Variants in SAMMSON observed in about 807,000 individuals in gnomAD.
SAMMSON encodes survival associated mitochondrial melanoma specific oncogenic non-coding RNA, also known as long intergenic non-protein coding RNA 1212.
chr3:70,002,742 A>G (rs1188598924), intron 1 of SAMMSON, among the ~76,000 whole-genome samples: 3 of 152,082 alleles, frequency 2.0e-5, no homozygotes, highest in Admixed American at 6.5e-5. Flanking sequence ...TATGGTTCCA[A>G]CCTCTTGAAA....
intron 2 of SAMMSON, among the ~76,000 whole-genome samples, chr3:70,426,504 T>C (rs1292717018): frequency 6.6e-6 from 1 of 152,192 alleles, no homozygotes; most frequent in Non-Finnish European, 1.5e-5. Context: ...GCACTTAAAC[T>C]TTTACACTAA....
At position 70,039,643 on chromosome 3, in the gene SAMMSON, A is replaced by T. The variant is rs978217354; in HGVS notation, n.417+25971A>T. On this transcript the variant is annotated intron_variant and non_coding_transcript_variant, in intron 3 of 9. Coordinates refer to ENST00000642114, the Ensembl canonical transcript of SAMMSON. Reference sequence around the variant, plus strand: ...CACACACACACACACACACACACACACTTTCTATTGGTTTTTGTTTATCTA... The same window carrying T: ...CACACACACACACACACACACACACTCTTTCTATTGGTTTTTGTTTATCTA... 5.6e-4 allele frequency among the ~76,000 whole-genome samples: 65 copies of T among 116,894 alleles called. 1 individual carries two copies. Among genetic ancestry groups the T allele is most frequent in the South Asian group, 2.8e-3 (10 of 3,516 alleles). The allele number at this position is 116,894 out of a possible 152,430, so 76.7% of individuals were successfully genotyped here.
At chr3:70,186,178 T>C (rs1425890061) in intron 4 of SAMMSON, among the ~76,000 whole-genome samples, 3 of 152,184 alleles carry the variant, frequency 2.0e-5, no homozygotes, top group African/African-American at 7.2e-5. Flanking sequence ...CTTATTAAGT[T>C]TTCTTTACTT....
intron 6 of SAMMSON, among the ~76,000 whole-genome samples, chr3:70,288,248 G>C (rs565889052): frequency 3.8e-4 from 47 of 124,958 alleles, no homozygotes; most frequent in Admixed American, 5.7e-4. Flanking sequence ...CAGAGATTCT[G>C]GTATGTTGTG....
At chr3:70,428,624 G>A (rs937411935) in intron 2 of SAMMSON, among the ~76,000 whole-genome samples, 5 of 152,108 alleles carry the variant, frequency 3.3e-5, no homozygotes, top group Non-Finnish European at 7.4e-5. Context: ...TATATAGGAC[G>A]CTAGCATAGA....
At chr3:70,351,072 A>C (rs925543793) in intron 7 of SAMMSON, among the ~76,000 whole-genome samples, 3 of 152,146 alleles carry the variant, frequency 2.0e-5, no homozygotes, top group African/African-American at 7.2e-5. Flanking sequence ...GTAGTTTGTG[A>C]AACCCCTTTT....
At chr3:70,317,767 T>G (rs1000870950) in intron 7 of SAMMSON, among the ~76,000 whole-genome samples, 4 of 151,884 alleles carry the variant, frequency 2.6e-5, no homozygotes, top group African/African-American at 9.7e-5. Context: ...CTAGTAGACC[T>G]GAATTTTCAT....
chr3:70,276,820 A>G (rs534854380), intron 6 of SAMMSON, among the ~76,000 whole-genome samples: 3 of 152,358 alleles, frequency 2.0e-5, no homozygotes, highest in African/African-American at 7.2e-5. Context: ...AATATTTACT[A>G]TCTGCCCCAA....
intron 4 of SAMMSON, among the ~76,000 whole-genome samples, chr3:70,159,167 TTTAC>T (rs1288868270): frequency 1.3e-5 from 2 of 152,104 alleles, no homozygotes; most frequent in African/African-American, 2.4e-5. Flanking sequence ...ATCTTTTCCT[TTTAC>T]TTAGTGATTT....
intron 2 of SAMMSON, among the ~76,000 whole-genome samples, chr3:70,412,093 G>T (rs1368824944): frequency 6.6e-6 from 1 of 152,106 alleles, no homozygotes; most frequent in East Asian, 1.9e-4. Flanking sequence ...TCATGTTAAT[G>T]AGGGGAAGCT....
intron 4 of SAMMSON, among the ~76,000 whole-genome samples, chr3:70,102,783 T>A (rs1474012698): frequency 6.6e-6 from 1 of 152,188 alleles, no homozygotes; most frequent in Non-Finnish European, 1.5e-5. Flanking sequence ...CAGGAGAGAA[T>A]GGACATAGAG....
chr3:70,115,028 T>C (rs2067404814), intron 4 of SAMMSON, among the ~76,000 whole-genome samples: 1 of 152,082 alleles, frequency 6.6e-6, no homozygotes, highest in Non-Finnish European at 1.5e-5. Flanking sequence ...ACAGTTTATC[T>C]TGACTTACGT....
At chr3:70,370,062 C>G (rs1702954032) in intron 9 of SAMMSON, among the ~76,000 whole-genome samples, 2 of 151,726 alleles carry the variant, frequency 1.3e-5, no homozygotes, top group African/African-American at 2.4e-5. Context: ...TGAGTGAGAA[C>G]TCATATCTCT....
intron 7 of SAMMSON, among the ~76,000 whole-genome samples, chr3:70,319,828 T>A (rs1411618589): frequency 6.6e-6 from 1 of 152,036 alleles, no homozygotes; most frequent in East Asian, 1.9e-4. Context: ...AGATACTGGA[T>A]GTTTATTTAA....
At chr3:70,278,259 C>G (rs559826857) in intron 6 of SAMMSON, among the ~76,000 whole-genome samples, 1 of 152,006 alleles carries the variant, frequency 6.6e-6, no homozygotes, top group Non-Finnish European at 1.5e-5. Flanking sequence ...TTGTGTGTAC[C>G]GGTAGTTCAA....
intron 3 of SAMMSON, among the ~76,000 whole-genome samples, chr3:70,059,771 A>AC (rs35754833): frequency 1.3e-5 from 2 of 151,606 alleles, no homozygotes; most frequent in Admixed American, 1.3e-4. Flanking sequence ...CATAAAATTA[A>AC]CCCCCCCAGT....
At chr3:70,221,866 C>T (rs1701463390) in intron 4 of SAMMSON, among the ~76,000 whole-genome samples, 1 of 152,134 alleles carries the variant, frequency 6.6e-6, no homozygotes, top group South Asian at 2.1e-4. Flanking sequence ...TTTGTCGTTA[C>T]TTTCAATTGG....
At chr3:70,397,607 A>G (rs1474236309) in intron 2 of SAMMSON, among the ~76,000 whole-genome samples, 1 of 152,170 alleles carries the variant, frequency 6.6e-6, no homozygotes, top group Non-Finnish European at 1.5e-5. Context: ...TCGGATTAAC[A>G]ATATGTGTAT....
intron 4 of SAMMSON, among the ~76,000 whole-genome samples, chr3:70,098,259 G>A (rs567598428): frequency 5.9e-5 from 9 of 152,168 alleles, no homozygotes; most frequent in Non-Finnish European, 8.8e-5. Flanking sequence ...TTCATCAATG[G>A]CAGGAATCCC....
Sources: allele counts gnomAD v4.1 joint callset (sites outside exome capture counted in the v4.1 genomes callset), GRCh38; gene constraint gnomAD v4.1.1; transcripts MANE v1.5; gene names NCBI Gene and HGNC (gene_info 2026-07-23, HGNC 2026-07-21).